Variants in ZNF804B observed in about 807,000 individuals in gnomAD.
The protein encoded by ZNF804B is zinc finger protein 804B, also known as zinc finger 804B.
A neutral mutation model predicts 101.4 loss-of-function variants in ZNF804B; 80 were observed. That is an observed-to-expected ratio of 0.79 (90% confidence interval 0.66 to 0.95). The LOEUF (loss-of-function observed/expected upper bound fraction) is 0.95. Among genes scored for constraint, ZNF804B ranks in the 40% least tolerant of loss-of-function variants. The probability of loss-of-function intolerance (pLI) is 0.00; values close to 1 mark genes in which losing one functional copy is unlikely to be tolerated. For synonymous variants in ZNF804B, 622 were observed against 558.8 expected, an observed-to-expected ratio of 1.11 and a Z score of -1.59; for missense variants, 1,673 against 1,561.9, an observed-to-expected ratio of 1.07 and a Z score of -1.20.
chr7:88,827,303 T>C (rs965140003), intron 1 of ZNF804B, among the ~76,000 whole-genome samples: 3 of 151,648 alleles, frequency 2.0e-5, no homozygotes, highest in Admixed American at 2.0e-4. Context: ...TATATAATAA[T>C]TATAAAGAAA....
At position 88,759,880 on chromosome 7, in the gene ZNF804B, G is replaced by T. The variant is rs1315578991; in HGVS notation, c.-97G>T. The T allele has an allele frequency of 1.7e-5, 16 of 957,526 alleles. No individual in the cohort carries two copies. Among genetic ancestry groups the T allele is most frequent in the Non-Finnish European group, 2.7e-5 (16 of 600,534 alleles). The allele number at this position is 957,526 out of a possible 1,614,324, so 59.3% of individuals were successfully genotyped here. Reference sequence around the variant, plus strand: ...CGTCCTGCTGGCCGCGTCTTCTCGGGAGGTGGTAGTCGCTGTTGCCGCTGA... The same window carrying T: ...CGTCCTGCTGGCCGCGTCTTCTCGGTAGGTGGTAGTCGCTGTTGCCGCTGA... On this transcript the variant is annotated 5_prime_UTR_variant, in exon 1 of 4. Transcript: ENST00000333190.
At chr7:89,141,078 A>G (rs1057234350) in intron 1 of ZNF804B, among the ~76,000 whole-genome samples, 23 of 151,982 alleles carry the variant, frequency 1.5e-4, no homozygotes, top group Admixed American at 9.2e-4. Context: ...AGGAGGGGAG[A>G]TGGGGAACAG....
intron 1 of ZNF804B, among the ~76,000 whole-genome samples, chr7:88,912,549 T>A (rs1051994780): frequency 2.0e-5 from 3 of 152,126 alleles, no homozygotes; most frequent in African/African-American, 7.2e-5. Flanking sequence ...ATTTCACATT[T>A]TGTCTATGTT....
intron 1 of ZNF804B, among the ~76,000 whole-genome samples, chr7:89,111,212 C>T (rs1790211114): frequency 6.6e-6 from 1 of 152,138 alleles, no homozygotes; most frequent in Admixed American, 6.6e-5. Flanking sequence ...TTTGTATGGA[C>T]ATAAAAGTAT....
At chr7:89,313,922 C>T (rs1291892995) in intron 2 of ZNF804B, among the ~76,000 whole-genome samples, 3 of 152,058 alleles carry the variant, frequency 2.0e-5, no homozygotes, top group African/African-American at 4.8e-5. Context: ...TCTGCTTTGT[C>T]GTTTCTCTTT....
At chr7:88,760,885 A>T (rs1562786454) in intron 1 of ZNF804B, among the ~76,000 whole-genome samples, 2 of 122,526 alleles carry the variant, frequency 1.6e-5, no homozygotes, top group East Asian at 2.2e-4. Context: ...TGTGTAATTT[A>T]TATATATATA....
intron 1 of ZNF804B, among the ~76,000 whole-genome samples, chr7:88,925,596 A>G (rs913695730): frequency 6.6e-6 from 1 of 152,162 alleles, no homozygotes; most frequent in African/African-American, 2.4e-5. Context: ...AAACCTGTTG[A>G]CAGCTTGAAT....
At chr7:89,100,072 A>T (rs1790030945) in intron 1 of ZNF804B, among the ~76,000 whole-genome samples, 1 of 152,188 alleles carries the variant, frequency 6.6e-6, no homozygotes, top group Non-Finnish European at 1.5e-5. Flanking sequence ...CATGTATTTT[A>T]TTGACAGTTT....
At chr7:88,896,653 GAT>G (rs1792289192) in intron 1 of ZNF804B, among the ~76,000 whole-genome samples, 1 of 152,194 alleles carries the variant, frequency 6.6e-6, no homozygotes, top group Non-Finnish European at 1.5e-5. Context: ...AATTCTAAGA[GAT>G]AAGTTTATCA....
At chr7:89,082,829 G>A (rs1221648215) in intron 1 of ZNF804B, among the ~76,000 whole-genome samples, 2 of 151,708 alleles carry the variant, frequency 1.3e-5, no homozygotes, top group Non-Finnish European at 3.0e-5. Flanking sequence ...TGTAAAAATG[G>A]TAATTCTTCT....
At chr7:89,331,707 T>TA (rs912798114) in intron 3 of ZNF804B, among the ~76,000 whole-genome samples, 6 of 151,042 alleles carry the variant, frequency 4.0e-5, no homozygotes, top group African/African-American at 1.2e-4. Context: ...TTGAATATTG[T>TA]AAAAAAAACT....
chr7:88,865,517 G>A (rs1005699581), intron 1 of ZNF804B, among the ~76,000 whole-genome samples: 2 of 152,264 alleles, frequency 1.3e-5, no homozygotes, highest in South Asian at 2.1e-4. Flanking sequence ...GGGTGACAGA[G>A]CAAGACCCTG....
chr7:89,329,853 T>A (rs1790951377), intron 3 of ZNF804B, among the ~76,000 whole-genome samples: 1 of 151,660 alleles, frequency 6.6e-6, no homozygotes, highest in African/African-American at 2.4e-5. Context: ...AGCTCTTATA[T>A]GAAGTTTTTC....
chr7:89,282,074 G>A (rs939363304), intron 2 of ZNF804B, among the ~76,000 whole-genome samples: 12 of 151,770 alleles, frequency 7.9e-5, no homozygotes, highest in African/African-American at 7.3e-5. Context: ...GGTGGCGGGC[G>A]CCTGTAGTCC....
At chr7:89,262,327 T>C (rs944571645) in intron 2 of ZNF804B, among the ~76,000 whole-genome samples, 1 of 152,196 alleles carries the variant, frequency 6.6e-6, no homozygotes, top group African/African-American at 2.4e-5. Context: ...CTCTGGCCCA[T>C]GCTCATTATT....
At chr7:89,268,732 C>A (rs1311254199) in intron 2 of ZNF804B, among the ~76,000 whole-genome samples, 2 of 151,992 alleles carry the variant, frequency 1.3e-5, no homozygotes, top group East Asian at 3.9e-4. Flanking sequence ...CCCATCAGAT[C>A]TGGGGCAAGA....
rs553537536 is a variant in ZNF804B, at chr7:88,825,265, G to C, written c.108+65181G>C. Among the ~76,000 whole-genome samples the C allele has an allele frequency of 1.2e-4, 18 of 152,116 alleles. No individual in the cohort carries two copies. In the East Asian group the frequency reaches 3.5e-3, roughly 29 times the overall value. ...AGCTAGAGGTCCTGGCAGTGGTGGT[G>C]GTAACTCCACAGCTTATGTGCTATG... On this transcript the variant is annotated intron_variant, in intron 1 of 3. Transcript: ENST00000333190.
At chr7:89,151,386 C>T (rs1334780350) in intron 1 of ZNF804B, among the ~76,000 whole-genome samples, 1 of 151,988 alleles carries the variant, frequency 6.6e-6, no homozygotes, top group African/African-American at 2.4e-5. Flanking sequence ...ATCATCCTCC[C>T]ATCCCCATAT....
At chr7:88,833,698 C>A (rs1036781774) in intron 1 of ZNF804B, among the ~76,000 whole-genome samples, 3 of 151,806 alleles carry the variant, frequency 2.0e-5, no homozygotes, top group Admixed American at 2.0e-4. Flanking sequence ...AGTCTATTGA[C>A]CTCATGTGAG....
Sources: gnomAD v4.1 joint callset for allele counts (sites outside exome capture counted in the v4.1 genomes callset) on GRCh38, gnomAD v4.1.1 for gene constraint, MANE v1.5 for transcripts, NCBI Gene and HGNC (gene_info 2026-07-23, HGNC 2026-07-21) for gene names.